Variants in STARD13 observed in about 807,000 individuals in gnomAD.
The protein encoded by STARD13 is StAR related lipid transfer domain containing 13, also known as stAR-related lipid transfer protein 13.
STARD13 carries 62 observed loss-of-function variants against 106.4 expected under a neutral mutation model. That is an observed-to-expected ratio of 0.58 (90% CI 0.48 to 0.72). The LOEUF is 0.72. Among genes scored for constraint, STARD13 ranks in the 30% least tolerant of loss-of-function variants. The pLI is 0.00. For synonymous variants in STARD13, 565 were observed against 553.0 expected, an observed-to-expected ratio of 1.02 and a Z score of -0.31; for missense variants, 1,387 against 1,424.0, an observed-to-expected ratio of 0.97 and a Z score of 0.42.
chr13:33,119,375 G>A (rs1320666456), intron 7 of STARD13, among the ~76,000 whole-genome samples: 1 of 152,156 alleles, frequency 6.6e-6, no homozygotes, highest in Non-Finnish European at 1.5e-5. Context: ...TGGTCAGGTA[G>A]ACAGTGGCCA....
chr13:33,618,605 C>T, the STARD13 span, among the ~76,000 whole-genome samples: 1 of 152,044 alleles, frequency 6.6e-6, no homozygotes, highest in Non-Finnish European at 1.5e-5. Flanking sequence ...GAGACTTCCT[C>T]TTCTAGCTAT....
chr13:33,305,064 G>T (rs920450460), intron 1 of STARD13, among the ~76,000 whole-genome samples: 9 of 152,148 alleles, frequency 5.9e-5, no homozygotes, highest in African/African-American at 2.2e-4. Context: ...CCAAGCTTTT[G>T]TTGTTGTTGT....
chr13:33,519,683 C>A, the STARD13 span, among the ~76,000 whole-genome samples: 1 of 152,036 alleles, frequency 6.6e-6, no homozygotes, highest in Admixed American at 6.6e-5. Flanking sequence ...CTTAAAAAGC[C>A]ACAGAAAGCA....
chr13:33,547,117 CTCTT>C, the STARD13 span, among the ~76,000 whole-genome samples: 1 of 152,144 alleles, frequency 6.6e-6, no homozygotes, highest in South Asian at 2.1e-4. Flanking sequence ...TGTTTTTCAG[CTCTT>C]ATGATACAGT....
the STARD13 span, among the ~76,000 whole-genome samples, chr13:33,609,803 C>G: frequency 6.6e-6 from 1 of 152,040 alleles, no homozygotes; most frequent in Non-Finnish European, 1.5e-5. Flanking sequence ...CTCCTGACCT[C>G]GTGATCTGCC....
At chr13:33,546,240 A>G in the STARD13 span, among the ~76,000 whole-genome samples, 1 of 152,202 alleles carries the variant, frequency 6.6e-6, no homozygotes, top group African/African-American at 2.4e-5. Context: ...TTCTAAGAAC[A>G]TAATATGTAA....
chr13:33,607,302 T>C, the STARD13 span, among the ~76,000 whole-genome samples: 2 of 149,790 alleles, frequency 1.3e-5, no homozygotes, highest in East Asian at 3.9e-4. Flanking sequence ...ATTGTTTCTT[T>C]TTTTTTTTTT....
chr13:33,429,022 A>G, the STARD13 span, among the ~76,000 whole-genome samples: 113 of 152,338 alleles, frequency 7.4e-4, 1 homozygote, highest in African/African-American at 2.5e-3. Flanking sequence ...GACAGGCAAT[A>G]ACAAATGCTG....
intron 5 of STARD13, among the ~76,000 whole-genome samples, chr13:33,128,644 G>A (rs1472199835): frequency 1.3e-5 from 2 of 152,136 alleles, no homozygotes; most frequent in Non-Finnish European, 1.5e-5. Context: ...CCTGCCTATG[G>A]TGCCCAGTAT....
chr13:33,177,102 A>T (rs1008811260), intron 1 of STARD13, among the ~76,000 whole-genome samples: 1 of 152,216 alleles, frequency 6.6e-6, no homozygotes, highest in East Asian at 1.9e-4. Context: ...TACCTTGTCT[A>T]ATATGAATAG....
chr13:33,259,516 T>C (rs886620609), intron 1 of STARD13, among the ~76,000 whole-genome samples: 2 of 152,178 alleles, frequency 1.3e-5, no homozygotes, highest in Non-Finnish European at 2.9e-5. Flanking sequence ...ATGCTTCCTT[T>C]CTTTTGACAT....
chr13:33,126,011 T>C, intron 7 of STARD13, 70 bp downstream of exon 7: 1 of 1,567,338 alleles, frequency 6.4e-7, no homozygotes, highest in South Asian at 1.1e-5. Context: ...TCTGACTCAG[T>C]CTGACATCCC....
At chr13:33,182,798 T>C (rs1460387514) in intron 1 of STARD13, among the ~76,000 whole-genome samples, 2 of 152,170 alleles carry the variant, frequency 1.3e-5, no homozygotes, top group Admixed American at 1.3e-4. Flanking sequence ...CTTCCTTGAA[T>C]CTCTAACGTG....
chr13:33,472,600 G>A, the STARD13 span, among the ~76,000 whole-genome samples: 2 of 151,962 alleles, frequency 1.3e-5, no homozygotes, highest in African/African-American at 4.8e-5. Flanking sequence ...AGAGGGCAGG[G>A]AGCAAAATTG....
At chr13:33,339,402 CAA>C (rs1206394639) in intron 1 of STARD13, among the ~76,000 whole-genome samples, 3 of 152,228 alleles carry the variant, frequency 2.0e-5, no homozygotes, top group Non-Finnish European at 4.4e-5. Flanking sequence ...AGACACTGTA[CAA>C]TCTATGCTTC....
the STARD13 span, among the ~76,000 whole-genome samples, chr13:33,525,559 T>C: frequency 6.6e-6 from 1 of 152,134 alleles, no homozygotes; most frequent in African/African-American, 2.4e-5. Flanking sequence ...AAAAGTTCTT[T>C]TCAAGAAAGT....
the STARD13 span, among the ~76,000 whole-genome samples, chr13:33,529,160 C>T: frequency 6.6e-6 from 1 of 152,060 alleles, no homozygotes; most frequent in Non-Finnish European, 1.5e-5. Flanking sequence ...AAAAAAGGAA[C>T]CAGGGACCAA....
the STARD13 span, among the ~76,000 whole-genome samples, chr13:33,504,769 A>G: frequency 6.6e-6 from 1 of 152,142 alleles, no homozygotes; most frequent in Non-Finnish European, 1.5e-5. Context: ...AAATAAATAA[A>G]AAATAAAAAG....
the STARD13 span, among the ~76,000 whole-genome samples, chr13:33,595,541 C>A: frequency 6.6e-6 from 1 of 151,970 alleles, no homozygotes; most frequent in Non-Finnish European, 1.5e-5. Flanking sequence ...GAGAAAGATA[C>A]CCTTATTTAA....
Sources: gnomAD v4.1 joint callset for allele counts (sites outside exome capture counted in the v4.1 genomes callset) on GRCh38, gnomAD v4.1.1 for gene constraint, MANE v1.5 for transcripts, NCBI Gene and HGNC (gene_info 2026-07-23, HGNC 2026-07-21) for gene names.